The following DYNC2I2 variants were observed in gnomAD, a reference collection of about 807,000 sequenced individuals.
The protein encoded by DYNC2I2 is cytoplasmic dynein 2 intermediate chain 2.
A neutral mutation model predicts 52.0 loss-of-function variants in DYNC2I2; 39 were observed. The ratio of observed to expected loss-of-function variants is 0.75; its 90% CI spans 0.58 to 0.98. The LOEUF (loss-of-function observed/expected upper bound fraction) is 0.98. Ranked by LOEUF, DYNC2I2 falls within the 50% of genes least tolerant of loss-of-function variation. The probability of loss-of-function intolerance (pLI) is 0.00; values close to 1 mark genes in which losing one functional copy is unlikely to be tolerated. For synonymous variants in DYNC2I2, 359 were observed against 321.1 expected, an observed-to-expected ratio of 1.12 and a Z score of -1.26; for missense variants, 743 against 728.4, an observed-to-expected ratio of 1.02 and a Z score of -0.23.
chr9:128,649,743 C>G (rs1860690698), intron 1 of DYNC2I2, among the ~76,000 whole-genome samples: 2 of 131,326 alleles, frequency 1.5e-5, no homozygotes, highest in South Asian at 2.5e-4. Context: ...ACCTGTAATC[C>G]CAGCACTTTG....
the DYNC2I2 span, among the ~76,000 whole-genome samples, chr9:128,667,957 T>TCCTGACCTTGTGATCCGCCCGC: frequency 1.1e-5 from 1 of 88,576 alleles, no homozygotes; most frequent in African/African-American, 4.4e-5. Context: ...GGTCTCGATC[T>TCCTGACCTTGTGATCCGCCCGC]CTTTTTTTTT....
rs1179696617 is a variant in DYNC2I2 at position 128,650,560 on chromosome 9, C to T, written c.186+5981G>A. Among the ~76,000 whole-genome samples, 2 of 47,518 alleles carry T rather than the reference C, an allele frequency of 4.2e-5. 1 individual carries two copies. Among genetic ancestry groups the T allele is most frequent in the African/African-American group, 9.4e-5 (2 of 21,246 alleles). The allele number at this position is 47,518 out of a possible 152,430, so 31.2% of individuals were successfully genotyped here. On this transcript the variant is annotated intron_variant, in intron 1 of 8. Coordinates refer to ENST00000372715, the MANE Select transcript of DYNC2I2 (RefSeq NM_052844.4). ...ATATATATATATATGCCACCACGCC[C>T]GGCTAATTTTGTATTTTTAGTAGAG...
In DYNC2I2 at chr9:128,635,446, C is replaced by G; in HGVS notation, c.814-187G>C. ...GCCCTCTCCAGTCCCAGAATCCCAG[C>G]GCTGCTCACTCGGTGCCTGCAGAGG... On this transcript the variant is annotated intron_variant, in intron 5 of 8. Coordinates refer to ENST00000372715, the MANE Select transcript of DYNC2I2 (RefSeq NM_052844.4). 6.0e-6 allele frequency: 5 copies of G among 832,050 alleles called. No individual in the cohort carries two copies. The South Asian group carries it at 9.0e-5, about 15-fold the overall frequency. The allele number at this position is 832,050 out of a possible 1,614,324, so 51.5% of individuals were successfully genotyped here. A position where few individuals can be genotyped will look rare whatever the true frequency, so the allele number is the denominator to read the frequency against.
chr9:128,661,817 G>A (rs936300798), upstream of DYNC2I2, among the ~76,000 whole-genome samples: 24 of 150,012 alleles, frequency 1.6e-4, no homozygotes, highest in African/African-American at 5.1e-4. Flanking sequence ...CGAGGTAGGC[G>A]GATCACCTGA....
At chr9:128,668,071 C>A in the DYNC2I2 span, among the ~76,000 whole-genome samples, 2 of 150,434 alleles carry the variant, frequency 1.3e-5, no homozygotes, top group East Asian at 3.9e-4. Context: ...AGCGATTCTC[C>A]TGCCTCAGCC....
rs1860704313 is a variant in DYNC2I2 at position 128,650,727 on chromosome 9, G to T, written c.186+5814C>A. On this transcript the variant is annotated intron_variant, in intron 1 of 8. Coordinates refer to ENST00000372715, the MANE Select transcript of DYNC2I2 (RefSeq NM_052844.4). ...CCCATTTTTGTATTTTTAGAGATGG[G>T]GTTTCACCATGTTGGCCAGGCTGGT... is the stretch of plus-strand genomic sequence containing the variant. 3.7e-5 allele frequency among the ~76,000 whole-genome samples: 2 copies of T among 54,030 alleles called. 1 individual carries two copies. The highest frequency in any genetic ancestry group is 1.2e-3 in the South Asian group (2 of 1,714). The allele number at this position is 54,030 out of a possible 152,430, so 35.4% of individuals were successfully genotyped here.
chr9:128,655,704 T>C (rs1049308401), intron 1 of DYNC2I2, among the ~76,000 whole-genome samples: 1 of 140,952 alleles, frequency 7.1e-6, no homozygotes, highest in Non-Finnish European at 1.5e-5. Flanking sequence ...GGACAGGAGA[T>C]GGAAACCATT....
At chr9:128,643,615 C>A (rs1179419802) in intron 1 of DYNC2I2, among the ~76,000 whole-genome samples, 1 of 151,912 alleles carries the variant, frequency 6.6e-6, no homozygotes, top group Non-Finnish European at 1.5e-5. Context: ...TTGCTTGAGT[C>A]CAGGAAGTGG....
chr9:128,645,742 G>A (rs986405390), intron 1 of DYNC2I2, among the ~76,000 whole-genome samples: 1 of 151,942 alleles, frequency 6.6e-6, no homozygotes, highest in Non-Finnish European at 1.5e-5. Context: ...ATTAAGCTTA[G>A]TGAGGAGGGC....
At chr9:128,682,672 CTTTTTTTTT>C in the DYNC2I2 span, among the ~76,000 whole-genome samples, 858 of 120,630 alleles carry the variant, frequency 7.1e-3, 8 homozygotes, top group African/African-American at 0.028. Flanking sequence ...GGGACCTTGT[CTTTTTTTTT>C]TTTTTTTTTT....
the DYNC2I2 span, among the ~76,000 whole-genome samples, chr9:128,668,721 G>A: frequency 6.6e-6 from 1 of 151,542 alleles, no homozygotes; most frequent in East Asian, 2.0e-4. Context: ...TGGGGAGGCT[G>A]AGGCATGAGA....
At chr9:128,663,071 C>T in the DYNC2I2 span, 1 of 152,284 alleles carries the variant, frequency 6.6e-6, no homozygotes, top group African/African-American at 2.4e-5. Flanking sequence ...GCTAGGATTA[C>T]AGGCGTGAGC....
chr9:128,643,636 G>C lies in DYNC2I2; in HGVS notation c.187-2697C>G, dbSNP rs754977146. Among the ~76,000 whole-genome samples, 6 of 151,916 alleles carry C rather than the reference G, an allele frequency of 3.9e-5. No individual in the cohort carries two copies. In the East Asian group the frequency reaches 1.2e-3, roughly 30 times the overall value. On this transcript the variant is annotated intron_variant, in intron 1 of 8. Coordinates refer to ENST00000372715, the MANE Select transcript of DYNC2I2 (RefSeq NM_052844.4). ...GAGTCCAGGAAGTGGAGGCTGCAGT[G>C]AGCAGTTGATTGTGCCACTGCACTC... is the stretch of plus-strand genomic sequence containing the variant.
At chr9:128,662,408 G>GTGTTT in the DYNC2I2 span, among the ~76,000 whole-genome samples, 109,273 of 150,008 alleles carry the variant, frequency 0.73, 42,969 homozygotes, top group Non-Finnish European at 0.89. Context: ...ACAGTCTTGG[G>GTGTTT]TGTTTTGTTT....
At chr9:128,634,166 C>A in intron 8 of DYNC2I2, 60 bp downstream of exon 8, 1 of 1,601,400 alleles carries the variant, frequency 6.2e-7, no homozygotes. Flanking sequence ...ACCCCAGGTA[C>A]AAGCAGGGCC....
At chr9:128,634,421 G>T in intron 7 of DYNC2I2, 38 bp from the exon 8 acceptor site, 1 of 1,544,992 alleles carries the variant, frequency 6.5e-7, no homozygotes, top group East Asian at 2.2e-5. Context: ...GGGAATCAGT[G>T]CTGGGGTCTG....
rs1226507384 is a variant in DYNC2I2 at position 128,635,539 on chromosome 9, CGAGAAT to C, written c.813+113_813+118del. ...GGGGTGACTCATGCTGCGGGAGCTCCGAGAATGCAGGAGGCAGCTGTCCAACTGCCA... is the reference window on the plus strand; with the variant it reads ...GGGGTGACTCATGCTGCGGGAGCTCCGCAGGAGGCAGCTGTCCAACTGCCA... On this transcript the variant is annotated intron_variant, in intron 5 of 8. Transcript: ENST00000372715. 3.1e-6 allele frequency: 3 copies of C among 975,388 alleles called. No homozygotes were observed. In the African/African-American group the frequency reaches 4.8e-5, roughly 16 times the overall value. 60.4% of individuals were successfully genotyped at this position (975,388 alleles called of 1,614,324 possible).
chr9:128,640,859 C>A lies in DYNC2I2; in HGVS notation c.267G>T (p.Thr89=). ...GCACGCTGACAGGCACGGGGGCCTCCGTCTGCACCTGGGCGTCCACATGAT... is the reference window on the plus strand; with the variant it reads ...GCACGCTGACAGGCACGGGGGCCTCAGTCTGCACCTGGGCGTCCACATGAT... ...ARNHVDAQVQ[T]EAPVPVSVQP... Residue 89 remains threonine, a synonymous_variant, in exon 2 of 9, where the codon ACG becomes ACT. Coordinates refer to ENST00000372715, the MANE Select transcript of DYNC2I2 (RefSeq NM_052844.4). The A allele has an allele frequency of 1.2e-6, 2 of 1,613,912 alleles. No homozygotes were observed. Among genetic ancestry groups the A allele is most frequent in the South Asian group, 1.1e-5 (1 of 91,070 alleles).
upstream of DYNC2I2, among the ~76,000 whole-genome samples, chr9:128,659,043 T>G (rs1373863099): frequency 6.6e-6 from 1 of 151,728 alleles, no homozygotes; most frequent in Non-Finnish European, 1.5e-5. Flanking sequence ...CAGATGGTAT[T>G]TGAAAACACA....
Sources: gnomAD v4.1 joint callset for allele counts (sites outside exome capture counted in the v4.1 genomes callset) on GRCh38, gnomAD v4.1.1 for gene constraint, MANE v1.5 for transcripts, NCBI Gene and HGNC (gene_info 2026-07-23, HGNC 2026-07-21) for gene names.